The following KCNMA1 variants were observed in gnomAD, a reference collection of about 807,000 sequenced individuals.
KCNMA1 encodes Calcium-activated potassium channel subunit alpha-1.
In KCNMA1, 29 loss-of-function variants were observed where a neutral mutation model predicts 140.0. The ratio of observed to expected loss-of-function variants is 0.21; its 90% confidence interval spans 0.15 to 0.28. The LOEUF (loss-of-function observed/expected upper bound fraction) is 0.28. KCNMA1 is among the 10% of genes least tolerant of loss of function. KCNMA1 has a pLI of 1.00. For missense variants in KCNMA1, 880 were observed against 1,602.2 expected (o/e 0.55, Z 7.70); for synonymous variants, 612 against 611.9 (o/e 1.00, Z 0.00).
intron 9 of KCNMA1, among the ~76,000 whole-genome samples, chr10:77,102,573 C>T (rs565268838): frequency 6.6e-6 from 1 of 152,350 alleles, no homozygotes; most frequent in South Asian, 2.1e-4. Context: ...GTTTTTAAGA[C>T]TTCCTCTAGT....
intron 9 of KCNMA1, among the ~76,000 whole-genome samples, chr10:77,094,478 G>T (rs1481073024): frequency 2.6e-5 from 4 of 152,112 alleles, no homozygotes; most frequent in Non-Finnish European, 5.9e-5. Flanking sequence ...CAAGGGAGAG[G>T]TTTAGTCTGG....
intron 1 of KCNMA1, among the ~76,000 whole-genome samples, chr10:77,520,110 G>T (rs73284468): frequency 0.014 from 597 of 42,578 alleles, no homozygotes; most frequent in Middle Eastern, 0.023. Flanking sequence ...AGGGTGTGCA[G>T]TGTGAGGTCC....
At chr10:77,546,264 A>C (rs995126464) in intron 1 of KCNMA1, among the ~76,000 whole-genome samples, 1 of 151,666 alleles carries the variant, frequency 6.6e-6, no homozygotes, top group African/African-American at 2.4e-5. Context: ...CTTCCTCCTC[A>C]TCCTCCTCCT....
At chr10:77,066,735 TG>T (rs2095967275) in intron 14 of KCNMA1, among the ~76,000 whole-genome samples, 1 of 152,198 alleles carries the variant, frequency 6.6e-6, no homozygotes, top group South Asian at 2.1e-4. Context: ...ATGCCATCTG[TG>T]GTTAGGGTGA....
intron 23 of KCNMA1, among the ~76,000 whole-genome samples, chr10:76,937,895 C>CTG (rs377764113): frequency 1.3e-5 from 2 of 150,872 alleles, no homozygotes; most frequent in African/African-American, 4.9e-5. Context: ...GGGAGGAAAG[C>CTG]TGTGTGTGTG....
At chr10:77,256,543 C>A (rs1019838871) in intron 2 of KCNMA1, among the ~76,000 whole-genome samples, 1 of 152,310 alleles carries the variant, frequency 6.6e-6, no homozygotes, top group Non-Finnish European at 1.5e-5. Flanking sequence ...GTCGCCTTAA[C>A]AATTAGCCCA....
chr10:77,323,585 A>C (rs1230534462), intron 2 of KCNMA1, among the ~76,000 whole-genome samples: 1 of 152,254 alleles, frequency 6.6e-6, no homozygotes, highest in Non-Finnish European at 1.5e-5. Flanking sequence ...ATTTTATGGC[A>C]AGAGGTTCAC....
chr10:77,557,841 G>C (rs994394429), intron 1 of KCNMA1, among the ~76,000 whole-genome samples: 9 of 151,906 alleles, frequency 5.9e-5, no homozygotes, highest in Non-Finnish European at 1.3e-4. Context: ...GTAGAGACAG[G>C]GTTTCACCAT....
chr10:77,030,825 A>G (rs1279282331), intron 15 of KCNMA1, among the ~76,000 whole-genome samples: 1 of 152,216 alleles, frequency 6.6e-6, no homozygotes, highest in East Asian at 1.9e-4. Context: ...CAAAACATTC[A>G]AATCCATACC....
intron 1 of KCNMA1, among the ~76,000 whole-genome samples, chr10:77,490,999 C>A (rs1017605544): frequency 6.6e-6 from 1 of 152,136 alleles, no homozygotes; most frequent in African/African-American, 2.4e-5. Flanking sequence ...ATCAGGCACT[C>A]CCTCAATAAA....
At chr10:77,417,598 G>C (rs2096770909) in intron 1 of KCNMA1, among the ~76,000 whole-genome samples, 1 of 152,212 alleles carries the variant, frequency 6.6e-6, no homozygotes, top group African/African-American at 2.4e-5. Flanking sequence ...GCCCTACCAG[G>C]CATGTCAGTC....
At chr10:77,460,795 G>A (rs1445255015) in intron 1 of KCNMA1, among the ~76,000 whole-genome samples, 1 of 152,104 alleles carries the variant, frequency 6.6e-6, no homozygotes, top group African/African-American at 2.4e-5. Flanking sequence ...GGGACGGTGA[G>A]GGGGTGTGGG....
At chr10:77,146,117 T>G (rs1408596234) in intron 5 of KCNMA1, among the ~76,000 whole-genome samples, 1 of 152,138 alleles carries the variant, frequency 6.6e-6, no homozygotes, top group Non-Finnish European at 1.5e-5. Context: ...AAATGTACAG[T>G]CTTGAGGAGC....
intron 1 of KCNMA1, among the ~76,000 whole-genome samples, chr10:77,522,266 G>A (rs2053692297): frequency 6.6e-6 from 1 of 152,066 alleles, no homozygotes; most frequent in Admixed American, 6.5e-5. Flanking sequence ...AACACCTTGG[G>A]GCAGAGTAGG....
chr10:77,221,649 C>T (rs1203160543), intron 3 of KCNMA1, among the ~76,000 whole-genome samples: 1 of 152,070 alleles, frequency 6.6e-6, no homozygotes, highest in Non-Finnish European at 1.5e-5. Flanking sequence ...ATGTATGCCA[C>T]AGATATATAC....
Position 77,403,905 on chromosome 10 carries a change from G to C in KCNMA1, c.497C>G (p.Ala166Gly). The C allele has an allele frequency of 6.2e-7, 1 of 1,614,044 alleles. No homozygotes were observed. ...TGTCTGGGCGGATATCATCACCCCC[G>C]CCCAGTCCTTCACGGAGGTCATCCA... ...VGWMTSVKDW[A>G]GVMISAQTLT... Residue 166 changes from alanine to glycine, a missense_variant, in exon 2 of 28, where the codon GCG becomes GGG. Coordinates refer to ENST00000286628, the MANE Select transcript of KCNMA1 (RefSeq NM_001161352.2).
intron 22 of KCNMA1, among the ~76,000 whole-genome samples, chr10:76,945,558 GC>G (rs1225889966): frequency 6.6e-6 from 1 of 152,126 alleles, no homozygotes; most frequent in Admixed American, 6.5e-5. Context: ...AAGGAGTTAA[GC>G]TTCAGATCAT....
chr10:77,445,034 A>G (rs972749571), intron 1 of KCNMA1, among the ~76,000 whole-genome samples: 1 of 152,170 alleles, frequency 6.6e-6, no homozygotes, highest in African/African-American at 2.4e-5. Context: ...ATGAGTGCCT[A>G]TGAGATAGAT....
At chr10:77,619,466 AG>A (rs1358123842) in intron 1 of KCNMA1, among the ~76,000 whole-genome samples, 4 of 152,144 alleles carry the variant, frequency 2.6e-5, no homozygotes, top group Non-Finnish European at 5.9e-5. Context: ...ACATAGCCTC[AG>A]AAGTCACATA....
Sources: allele counts gnomAD v4.1 joint callset (sites outside exome capture counted in the v4.1 genomes callset), GRCh38; gene constraint gnomAD v4.1.1; transcripts MANE v1.5; gene names NCBI Gene and HGNC (gene_info 2026-07-23, HGNC 2026-07-21).